Variants in ROPN1L observed in about 807,000 individuals in gnomAD.
ROPN1L encodes the protein rhophilin associated tail protein 1 like.
Under a neutral mutation model 22.7 loss-of-function variants are expected in ROPN1L, and 23 were observed. The ratio of observed to expected loss-of-function variants is 1.01; its 90% CI spans 0.73 to 1.43. The LOEUF is 1.43. Ranked by LOEUF, ROPN1L falls within the 40% of genes most tolerant of loss-of-function variation. The pLI is 0.00. For missense variants in ROPN1L, 271 were observed against 291.5 expected (o/e 0.93, Z 0.51); for synonymous variants, 116 against 117.8 (o/e 0.98, Z 0.10).
At chr5:10,467,734 C>T (rs188991476), downstream of ROPN1L, among the ~76,000 whole-genome samples, 1 of 152,338 alleles carries the variant, frequency 6.6e-6, no homozygotes, top group African/African-American at 2.4e-5. Flanking sequence ...CATGACTCAG[C>T]TTGCAGCTTC....
Position 10,442,204 on chromosome 5 carries a change from A to G in ROPN1L, c.37A>G (p.Ile13Val). The change falls in exon 1 of 5, where the codon ATC becomes GTC. Residue 13 changes from isoleucine (I) to valine (V), a missense_variant. Coordinates refer to ENST00000274134, the MANE Select transcript of ROPN1L (RefSeq NM_031916.5). ...LPDTMFCAQQ[I>V]HIPPELPDIL... Reference sequence around the variant, plus strand: ...CGACACCATGTTCTGCGCTCAGCAGATCCACATTCCCCCGGAGCTGCCGGA... The same window carrying G: ...CGACACCATGTTCTGCGCTCAGCAGGTCCACATTCCCCCGGAGCTGCCGGA... The G allele has an allele frequency of 6.2e-7, 1 of 1,613,816 alleles. No homozygotes were observed. The highest frequency in any genetic ancestry group is 8.5e-7 in the Non-Finnish European group (1 of 1,179,890).
At chr5:10,462,748 G>A (rs1735060139) in intron 4 of ROPN1L, among the ~76,000 whole-genome samples, 1 of 152,090 alleles carries the variant, frequency 6.6e-6, no homozygotes. Context: ...ATAACCAGGT[G>A]TGGTGGTGGG....
intron 3 of ROPN1L, among the ~76,000 whole-genome samples, chr5:10,458,163 T>C (rs915519406): frequency 6.6e-6 from 1 of 151,930 alleles, no homozygotes; most frequent in Admixed American, 6.6e-5. Context: ...TCCGAGGAAA[T>C]CCTGTGCCAC....
Position 10,441,952 on chromosome 5 carries a change from T to G in ROPN1L, c.-216T>G, listed in dbSNP as rs1009328262. ...CTAGGGAACTGCAGGGTCTAGGGTG[T>G]TGTCGGAGTGGCAGTTGGTCCGAAT... is the stretch of plus-strand genomic sequence containing the variant. On this transcript the variant is annotated 5_prime_UTR_variant, in exon 1 of 5. Transcript: ENST00000274134. The G allele has an allele frequency of 8.0e-5, 44 of 552,182 alleles. 2 individuals are homozygous for G. The highest frequency in any genetic ancestry group is 4.9e-4 in the Middle Eastern group (1 of 2,026). 34.2% of individuals were successfully genotyped at this position (552,182 alleles called of 1,614,324 possible).
the ROPN1L span, among the ~76,000 whole-genome samples, chr5:10,479,933 G>A: frequency 1.3e-5 from 2 of 152,188 alleles, no homozygotes; most frequent in South Asian, 2.1e-4. Context: ...TAGCAGAGAC[G>A]GGGTTTCTCC....
intron 2 of ROPN1L, among the ~76,000 whole-genome samples, chr5:10,449,347 T>C (rs1741178887): frequency 6.6e-6 from 1 of 151,802 alleles, no homozygotes; most frequent in African/African-American, 2.4e-5. Context: ...GGTGAAACTT[T>C]GTCTCCAATA....
intron 4 of ROPN1L, among the ~76,000 whole-genome samples, chr5:10,464,364 G>T (rs1246472914): frequency 6.6e-6 from 1 of 152,340 alleles, no homozygotes; most frequent in East Asian, 1.9e-4. Context: ...TCCTCCTGGT[G>T]CCCACAGCCT....
chr5:10,462,254 G>C (rs970206641), intron 4 of ROPN1L, among the ~76,000 whole-genome samples: 2 of 152,230 alleles, frequency 1.3e-5, no homozygotes, highest in Non-Finnish European at 1.5e-5. Context: ...TTGTATGCCA[G>C]GAGCGGGGGT....
chr5:10,442,146 C>A lies in ROPN1L; in HGVS notation c.-22C>A. 15 of 1,609,794 alleles carry A rather than the reference C, an allele frequency of 9.3e-6. No homozygotes were observed. Among genetic ancestry groups the A allele is most frequent in the Non-Finnish European group, 1.3e-5 (15 of 1,176,984 alleles). ...TCGCAGCGCGCCGCGATTCACCAGCCTGGTCCCTTCTGCGGAGAGCGATGC... is the reference window on the plus strand; with the variant it reads ...TCGCAGCGCGCCGCGATTCACCAGCATGGTCCCTTCTGCGGAGAGCGATGC... On this transcript the variant is annotated 5_prime_UTR_variant, in exon 1 of 5. The change creates a new upstream start codon in the 5' untranslated region. Coordinates refer to ENST00000274134, the MANE Select transcript of ROPN1L (RefSeq NM_031916.5).
chr5:10,442,504 A>G (rs1015983434), intron 1 of ROPN1L, among the ~76,000 whole-genome samples: 6 of 152,270 alleles, frequency 3.9e-5, no homozygotes, highest in Non-Finnish European at 8.8e-5. Flanking sequence ...GAGACCCGAA[A>G]TCATTGCAAA....
At chr5:10,477,966 A>G in the ROPN1L span, 1 of 152,246 alleles carries the variant, frequency 6.6e-6, no homozygotes, top group Admixed American at 6.5e-5. Flanking sequence ...CCTCCAGGAT[A>G]AAACTCTCTG....
chr5:10,461,711 G>A (rs116025693), intron 4 of ROPN1L, among the ~76,000 whole-genome samples: 1 of 152,190 alleles, frequency 6.6e-6, no homozygotes, highest in Admixed American at 6.5e-5. Context: ...GCTTCTGACC[G>A]ACTGGCTCTA....
At chr5:10,453,949 T>C (rs1240875918) in intron 3 of ROPN1L, among the ~76,000 whole-genome samples, 1 of 152,208 alleles carries the variant, frequency 6.6e-6, no homozygotes, top group Non-Finnish European at 1.5e-5. Flanking sequence ...TGAACACTGC[T>C]CTACTTATTA....
At chr5:10,477,644 A>T in the ROPN1L span, among the ~76,000 whole-genome samples, 5 of 152,258 alleles carry the variant, frequency 3.3e-5, no homozygotes, top group Middle Eastern at 3.4e-3. Flanking sequence ...ATCCTCTGGG[A>T]TAAGGCCAGG....
chr5:10,478,639 T>C, the ROPN1L span, among the ~76,000 whole-genome samples: 1 of 152,090 alleles, frequency 6.6e-6, no homozygotes, highest in Admixed American at 6.6e-5. Context: ...AGGGCAGCAG[T>C]CGTTGGATTT....
chr5:10,473,955 C>T (rs562510883), downstream of ROPN1L, among the ~76,000 whole-genome samples: 1 of 152,116 alleles, frequency 6.6e-6, no homozygotes, highest in African/African-American at 2.4e-5. Flanking sequence ...AGTTCGAGAC[C>T]ACCCTGGGTT....
Position 10,461,213 on chromosome 5 carries a change from C to G in ROPN1L, c.447C>G (p.Cys149Trp), listed in dbSNP as rs753462592. Residue 149 changes from cysteine to tryptophan, a missense_variant, in exon 4 of 5, where the codon TGC becomes TGG. Cys to Trp is a radical substitution (Grantham distance 215). Transcript: ENST00000274134. ...TGAACACTGCGCTGAAGCACCTGTG[C>G]GAGATCCTCACGGACGATCCGGAGG... ...GSLNTALKHL[C>W]EILTDDPEGG... 46 of 1,613,886 alleles carry G rather than the reference C, an allele frequency of 2.9e-5. 1 individual carries two copies. Among genetic ancestry groups the G allele is most frequent in the Middle Eastern group, 1.6e-4 (1 of 6,062 alleles).
chr5:10,470,035 A>C (rs1020667761), intron 4 of ROPN1L, among the ~76,000 whole-genome samples: 5 of 152,234 alleles, frequency 3.3e-5, no homozygotes, highest in African/African-American at 1.2e-4. Flanking sequence ...ATTTTTATGT[A>C]TACTAAATTT....
the ROPN1L span, among the ~76,000 whole-genome samples, chr5:10,481,149 A>C: frequency 1.3e-5 from 2 of 152,196 alleles, no homozygotes; most frequent in Non-Finnish European, 2.9e-5. Flanking sequence ...GCAGAGACAA[A>C]GGACTTTGCT....
Sources: allele counts gnomAD v4.1 joint callset (sites outside exome capture counted in the v4.1 genomes callset), GRCh38; gene constraint gnomAD v4.1.1; transcripts MANE v1.5; gene names NCBI Gene and HGNC (gene_info 2026-07-23, HGNC 2026-07-21).